Variants in EIF3M observed in about 807,000 individuals in gnomAD.
EIF3M encodes the protein eukaryotic translation initiation factor 3 subunit M, also known as B5 receptor.
A neutral mutation model predicts 49.7 loss-of-function variants in EIF3M; 25 were observed. That is an observed-to-expected ratio of 0.50 (90% confidence interval 0.37 to 0.70). The LOEUF (loss-of-function observed/expected upper bound fraction) is 0.70. Ranked by LOEUF, EIF3M falls within the 30% of genes least tolerant of loss-of-function variation. The probability of loss-of-function intolerance (pLI) is 0.00; values close to 1 mark genes in which losing one functional copy is unlikely to be tolerated. For missense variants in EIF3M, 350 were observed against 440.0 expected (o/e 0.80, Z 1.83); for synonymous variants, 156 against 149.8 (o/e 1.04, Z -0.30).
At chr11:32,588,388 GAAAAAAAAAAA>G (rs71463359) in intron 2 of EIF3M, among the ~76,000 whole-genome samples, 195 bp from the exon 3 acceptor site, 13 of 93,058 alleles carry the variant, frequency 1.4e-4, no homozygotes, top group Admixed American at 2.4e-4. Flanking sequence ...GACTTCATCT[GAAAAAAAAAAA>G]AAAAAAAAAA....
In EIF3M at chr11:32,583,976, C is replaced by T. The variant is rs771775204; in HGVS notation, c.42+47C>T. 4.3e-6 allele frequency: 7 copies of T among 1,610,824 alleles called. No homozygotes were observed. The South Asian group carries it at 6.6e-5, about 15-fold the overall frequency. ...CCGCCACGGTGGGGTGGGGGATGTC[C>T]TAGTAGCGCAAGGGACCGCTGCCGA... On this transcript the variant is annotated intron_variant, in intron 1 of 10. Transcript: ENST00000531120.
chr11:32,592,729 G>A, intron 5 of EIF3M: 1 of 500,860 alleles, frequency 2.0e-6, no homozygotes, highest in Non-Finnish European at 3.9e-6. Flanking sequence ...CCAATAAACA[G>A]TTTTTTTTAG....
rs531938787 is a variant in EIF3M at position 32,590,852 on chromosome 11, C to CT, written c.533+1223dup. On this transcript the variant is annotated intron_variant, in intron 5 of 10. Coordinates refer to ENST00000531120, the MANE Select transcript of EIF3M (RefSeq NM_006360.6). ...GTTGATGCACATGGTGTTTGTTGTGCTTTTTTTTTTTTATTTGAGATGGAG... is the reference window on the plus strand; with the variant it reads ...GTTGATGCACATGGTGTTTGTTGTGCTTTTTTTTTTTTTATTTGAGATGGAG... Among the ~76,000 whole-genome samples the CT allele has an allele frequency of 9.8e-4, 142 of 144,806 alleles. 2 individuals carry two copies. The South Asian group carries it at 0.016, about 17-fold the overall frequency. 95.0% of individuals were successfully genotyped at this position (144,806 alleles called of 152,430 possible). A position where few individuals can be genotyped will look rare whatever the true frequency, so the allele number is the denominator to read the frequency against.
intron 5 of EIF3M, among the ~76,000 whole-genome samples, chr11:32,590,943 C>T (rs1327685629): frequency 3.3e-5 from 5 of 151,940 alleles, no homozygotes; most frequent in South Asian, 2.1e-4. Flanking sequence ...CTCCACCTCC[C>T]GGGTTCATGC....
rs1855298221 is a variant in EIF3M at position 32,603,082 on chromosome 11, T to C, written c.*683T>C. On this transcript the variant is annotated 3_prime_UTR_variant, in exon 11 of 11. Transcript: ENST00000531120. ...TATACAAAAGATTTTAAAGAGTCTGTAAAGCCTCTGCAGTTATGAGTATGT... is the reference window on the plus strand; with the variant it reads ...TATACAAAAGATTTTAAAGAGTCTGCAAAGCCTCTGCAGTTATGAGTATGT... 2.2e-6 allele frequency: 3 copies of C among 1,356,626 alleles called. No homozygotes were observed. Among genetic ancestry groups the C allele is most frequent in the African/African-American group, 2.9e-5 (2 of 68,170 alleles). The allele number at this position is 1,356,626 out of a possible 1,614,324, so 84.0% of individuals were successfully genotyped here.
At chr11:32,591,339 G>C (rs1855099929) in intron 5 of EIF3M, among the ~76,000 whole-genome samples, 1 of 152,132 alleles carries the variant, frequency 6.6e-6, no homozygotes, top group African/African-American at 2.4e-5. Context: ...GTAAGATGTG[G>C]TTTTTTAAAA....
rs1855289340 is a variant in EIF3M at position 32,602,722 on chromosome 11, A to G, written c.*323A>G. On this transcript the variant is annotated 3_prime_UTR_variant, in exon 11 of 11. Coordinates refer to ENST00000531120, the MANE Select transcript of EIF3M (RefSeq NM_006360.6). ...TTGGAAAAGCAAAGACAAACTGTAG[A>G]GCTTTAAATACAACAGTCATTTTAT... The G allele has an allele frequency of 3.8e-6, 4 of 1,040,860 alleles. No individual in the cohort carries two copies. The highest frequency in any genetic ancestry group is 1.8e-5 in the South Asian group (1 of 56,906). The allele number at this position is 1,040,860 out of a possible 1,614,324, so 64.5% of individuals were successfully genotyped here.
At chr11:32,601,518 AAAAAAC>A in intron 9 of EIF3M, 5 of 307,178 alleles carry the variant, frequency 1.6e-5, no homozygotes, top group Admixed American at 4.6e-5. Context: ...AAAAAAAAAA[AAAAAAC>A]AGCAAAAAAC....
chr11:32,589,151 G>C lies in EIF3M; in HGVS notation c.438+16G>C, dbSNP rs773309074. The C allele has an allele frequency of 6.2e-7, 1 of 1,606,604 alleles. No individual in the cohort carries two copies. On this transcript the variant is annotated intron_variant, in intron 4 of 10. Coordinates refer to ENST00000531120, the MANE Select transcript of EIF3M (RefSeq NM_006360.6). ...GCTGGATCAAGTGAGTTACTGTGTGGAATAGTTGTTCTGCTTATAAGAAAT... is the reference window on the plus strand; with the variant it reads ...GCTGGATCAAGTGAGTTACTGTGTGCAATAGTTGTTCTGCTTATAAGAAAT...
At chr11:32,600,380 G>A (rs750843839) in intron 8 of EIF3M, among the ~76,000 whole-genome samples, 27 of 151,800 alleles carry the variant, frequency 1.8e-4, no homozygotes, top group Non-Finnish European at 3.7e-4. Flanking sequence ...CTCCTAAAAT[G>A]TATAACTATT....
At position 32,590,222 on chromosome 11, in the gene EIF3M, T is replaced by C. The variant is rs550875536; in HGVS notation, c.533+581T>C. Among the ~76,000 whole-genome samples, 9 of 152,334 alleles carry C rather than the reference T, an allele frequency of 5.9e-5. No homozygotes were observed. The East Asian group carries it at 1.7e-3, about 29-fold the overall frequency. On this transcript the variant is annotated intron_variant, in intron 5 of 10. Transcript: ENST00000531120. ...GTAATATTTCATGATATGTGGACAT[T>C]ATATGAAATTCAGATTTCAGGGTCC...
At chr11:32,597,515 C>T (rs1259535656) in intron 8 of EIF3M, among the ~76,000 whole-genome samples, 1 of 152,118 alleles carries the variant, frequency 6.6e-6, no homozygotes, top group Non-Finnish European at 1.5e-5. Flanking sequence ...TTATTTTTAT[C>T]TTTGAATTTT....
intron 9 of EIF3M, chr11:32,601,538 A>T: frequency 1.2e-5 from 4 of 328,564 alleles, no homozygotes; most frequent in Non-Finnish European, 1.7e-5. Context: ...AAAAAACTGT[A>T]TGCAGTATTT....
chr11:32,602,318 A>G lies in EIF3M; in HGVS notation c.1044A>G (p.Gln348=). 6.2e-7 allele frequency: 1 copy of G among 1,612,594 alleles called. No homozygotes were observed. Among genetic ancestry groups the G allele is most frequent in the South Asian group, 1.1e-5 (1 of 90,868 alleles). ...GGACATTTGGAAAACAGCAGTGGCA[A>G]CAACTGTATGACACACTTAATGCCT... The part of the protein sequence containing the change: ...THRTFGKQQW[Q]QLYDTLNAWK... The change falls in exon 11 of 11, where the codon CAA becomes CAG. Residue 348 remains glutamine, a synonymous_variant. Coordinates refer to ENST00000531120, the MANE Select transcript of EIF3M (RefSeq NM_006360.6).
At chr11:32,595,083 T>C in intron 7 of EIF3M, 70 bp downstream of exon 7, 2 of 1,366,338 alleles carry the variant, frequency 1.5e-6, no homozygotes, top group Non-Finnish European at 2.0e-6. Context: ...AGCAGGACTC[T>C]TTTTCTTTGC....
At chr11:32,593,264 T>G (rs1855129742) in intron 5 of EIF3M, among the ~76,000 whole-genome samples, 1 of 152,220 alleles carries the variant, frequency 6.6e-6, no homozygotes, top group African/African-American at 2.4e-5. Context: ...AAAAGTCCAG[T>G]TTGAATGACT....
At chr11:32,589,931 G>T (rs893026691) in intron 5 of EIF3M, among the ~76,000 whole-genome samples, 6 of 152,192 alleles carry the variant, frequency 3.9e-5, no homozygotes, top group African/African-American at 1.4e-4. Context: ...GCATGAGCTT[G>T]GTGAATGTGG....
rs1387971061 is a variant in EIF3M at position 32,593,911 on chromosome 11, A to G, written c.579A>G (p.Thr193=). Residue 193 remains threonine (T), a synonymous_variant, in exon 6 of 11, where the codon ACA becomes ACG. Coordinates refer to ENST00000531120, the MANE Select transcript of EIF3M (RefSeq NM_006360.6). ...TGGTGGAATTGCTCGGAAGTTACACAGAGGACAATGCTTCCCAGGCTCGAG... is the reference window on the plus strand; with the variant it reads ...TGGTGGAATTGCTCGGAAGTTACACGGAGGACAATGCTTCCCAGGCTCGAG... ...KVMVELLGSY[T]EDNASQARVD... is the part of the protein sequence containing the mutation. 2 of 1,581,234 alleles carry G rather than the reference A, an allele frequency of 1.3e-6. No homozygotes were observed. The highest frequency in any genetic ancestry group is 1.2e-5 in the South Asian group (1 of 85,594).
In EIF3M at chr11:32,604,592, C is replaced by T. The variant is rs1855321290; in HGVS notation, c.*2193C>T. 2 of 152,166 alleles carry T rather than the reference C, an allele frequency of 1.3e-5. No individual in the cohort carries two copies. The highest frequency in any genetic ancestry group is 2.1e-4 in the South Asian group (1 of 4,828). 9.4% of individuals were successfully genotyped at this position (152,166 alleles called of 1,614,324 possible). ...TTATTGGTTTATATGCTATGTTAAA[C>T]ATTTTTAGCATTTCCTCCTGTTCTT... On this transcript the variant is annotated 3_prime_UTR_variant, in exon 11 of 11. Coordinates refer to ENST00000531120, the MANE Select transcript of EIF3M (RefSeq NM_006360.6).
Sources: allele counts gnomAD v4.1 joint callset (sites outside exome capture counted in the v4.1 genomes callset), GRCh38; gene constraint gnomAD v4.1.1; transcripts MANE v1.5; gene names NCBI Gene and HGNC (gene_info 2026-07-23, HGNC 2026-07-21).